Variants in CEP170B observed in about 807,000 individuals in gnomAD.
CEP170B encodes the protein centrosomal protein 170B, also known as centrosomal protein of 170 kDa protein B.
CEP170B carries 55 observed loss-of-function variants against 120.6 expected under a neutral mutation model. The ratio of observed to expected loss-of-function variants is 0.46; its 90% CI spans 0.37 to 0.57. The LOEUF (loss-of-function observed/expected upper bound fraction) is 0.57, where lower values mean the gene tolerates loss of function less well. Among genes scored for constraint, CEP170B ranks in the 20% least tolerant of loss-of-function variants. The pLI is 0.00. For synonymous variants in CEP170B, 1,033 were observed against 954.5 expected (o/e 1.08, Z -1.52); for missense variants, 2,212 against 2,253.3 (o/e 0.98, Z 0.37).
chr14:104,887,023 C>T lies in CEP170B; in HGVS notation c.2784C>T (p.Leu928=), dbSNP rs757634401. The change falls in exon 12 of 19, where the codon CTC becomes CTT. Residue 928 remains leucine (L), a synonymous_variant. Transcript: ENST00000414716. The part of the protein sequence containing the change: ...ETALAALEAR[L]LSNSVDAECE... Reference sequence around the variant, plus strand: ...CCCTGGCGGCCCTGGAGGCCCGACTCCTCTCTAATTCTGTGGATGCCGAGT... The same window carrying T: ...CCCTGGCGGCCCTGGAGGCCCGACTTCTCTCTAATTCTGTGGATGCCGAGT... The T allele has an allele frequency of 1.9e-6, 3 of 1,610,852 alleles. No individual in the cohort carries two copies. The highest frequency in any genetic ancestry group is 2.7e-5 in the African/African-American group (2 of 74,938).
Position 104,886,901 on chromosome 14 carries a change from A to G in CEP170B, c.2662A>G (p.Ser888Gly), listed in dbSNP as rs751517309. 1 of 1,610,268 alleles carries G rather than the reference A, an allele frequency of 6.2e-7. No individual in the cohort carries two copies. Among genetic ancestry groups the G allele is most frequent in the Non-Finnish European group, 8.5e-7 (1 of 1,179,758 alleles). The change falls in exon 12 of 19, where the codon AGC (serine) becomes GGC (glycine). Residue 888 changes from serine (S) to glycine (G), a missense_variant. Coordinates refer to ENST00000414716, the MANE Select transcript of CEP170B (RefSeq NM_001112726.3). ...GCCCGGCAAGCCCCCCCACATCTCC[A>G]GCCACCCGCTTCTACAGGACCTGGC... Reference protein sequence around the residue: ...PAPGKPPHISSHPLLQDLAAT... With the variant: ...PAPGKPPHISGHPLLQDLAAT...
Position 104,894,982 on chromosome 14 carries a change from C to T in CEP170B, c.*24C>T, listed in dbSNP as rs993519994. ...AGGCCCCAGACCTGGCCAGGCCAGC[C>T]TCCCTGTGCGTGTGCGTCTCTGCCT... On this transcript the variant is annotated 3_prime_UTR_variant, in exon 19 of 19. Transcript: ENST00000414716. The T allele has an allele frequency of 1.3e-6, 2 of 1,528,642 alleles. No homozygotes were observed. The highest frequency in any genetic ancestry group is 2.5e-5 in the South Asian group (2 of 80,606). The allele number at this position is 1,528,642 out of a possible 1,614,324, so 94.7% of individuals were successfully genotyped here. A position where few individuals can be genotyped will look rare whatever the true frequency, so the allele number is the denominator to read the frequency against.
Position 104,884,350 on chromosome 14 carries a change from C to T in CEP170B, c.1571C>T (p.Pro524Leu), listed in dbSNP as rs900137573. ...CGGCCCAGCCCCGAGAAGGTTCCTCCGGTGCTGCCCGCTCCCCTGACACCC... is the reference window on the plus strand; with the variant it reads ...CGGCCCAGCCCCGAGAAGGTTCCTCTGGTGCTGCCCGCTCCCCTGACACCC... ...AARPSPEKVP[P>L]VLPAPLTPHG... Residue 524 changes from proline to leucine, a missense_variant, in exon 9 of 19, where the codon CCG (proline) becomes CTG (leucine). By Grantham distance (98) the Pro-to-Leu change is moderately conservative. This residue lies in a region of CEP170B where 2,166 missense variants were observed against 2,166.7 expected (regional missense o/e 1.00). Transcript: ENST00000414716. 3.0e-5 allele frequency: 47 copies of T among 1,544,692 alleles called. No homozygotes were observed. Among genetic ancestry groups the T allele is most frequent in the Non-Finnish European group, 3.8e-5 (44 of 1,145,334 alleles).
In CEP170B at chr14:104,886,278, A is replaced by G. The variant is rs1204670146; in HGVS notation, c.2039A>G (p.Asp680Gly). 3 of 1,531,692 alleles carry G rather than the reference A, an allele frequency of 2.0e-6. No individual in the cohort carries two copies. The highest frequency in any genetic ancestry group is 2.6e-6 in the Non-Finnish European group (3 of 1,145,022). 94.9% of individuals were successfully genotyped at this position (1,531,692 alleles called of 1,614,324 possible). ...DSYSDPGLTEDGLGRRGGEPE... is the reference protein window; with the variant it reads ...DSYSDPGLTEGGLGRRGGEPE... ...CGGCTGCCTTTGTGCTCCACAGAGG[A>G]TGGCCTGGGACGTAGAGGCGGGGAG... The change falls in exon 12 of 19, where the codon GAT (aspartate) becomes GGT (glycine). Residue 680 changes from aspartate to glycine, a missense_variant. By Grantham distance (94) the Asp-to-Gly change is moderately conservative. Around this residue, in one of 2 missense-constraint regions of CEP170B, gnomAD observed 2,166 missense variants for 2,166.7 expected, o/e 1.00. Transcript: ENST00000414716.
rs1245392648 is a variant in CEP170B at position 104,886,815 on chromosome 14, C to G, written c.2576C>G (p.Pro859Arg). 1.2e-6 allele frequency: 2 copies of G among 1,611,230 alleles called. No individual in the cohort carries two copies. Among genetic ancestry groups the G allele is most frequent in the East Asian group, 2.2e-5 (1 of 44,886 alleles). The change falls in exon 12 of 19, where the codon CCT (proline) becomes CGT (arginine). Residue 859 changes from proline to arginine, a missense_variant. Coordinates refer to ENST00000414716, the MANE Select transcript of CEP170B (RefSeq NM_001112726.3). The stretch of plus-strand genomic sequence containing the variant: ...GGACGGTCCCCAGAACCCGACGGCC[C>G]TGCCCCAGCCTTTCTCCGGCAAGAG... ...RPGRSPEPDGPAPAFLRQESF... is the reference protein window; with the variant it reads ...RPGRSPEPDGRAPAFLRQESF...
rs200257503 is a variant in CEP170B, at chr14:104,887,105, G to C, written c.2866G>C (p.Val956Leu). The C allele has an allele frequency of 1.9e-6, 3 of 1,611,174 alleles. No individual in the cohort carries two copies. Among genetic ancestry groups the C allele is most frequent in the Non-Finnish European group, 2.5e-6 (3 of 1,179,670 alleles). ...PEDALSGDSD[V>L]DTASTVSLRS... ...GGACGCCCTGTCTGGGGACTCGGAC[G>C]TGGACACAGCCAGCACCGTCAGCCT... Residue 956 changes from valine to leucine, a missense_variant, in exon 12 of 19, where the codon GTG (valine) becomes CTG (leucine). By Grantham distance (32) the Val-to-Leu change is conservative. Transcript: ENST00000414716.
At chr14:104,881,714 A>G (rs2582557) in intron 6 of CEP170B, among the ~76,000 whole-genome samples, 95,261 of 151,988 alleles carry the variant, frequency 0.63, 30,509 homozygotes, top group Middle Eastern at 0.78. Flanking sequence ...ACCAAGGAGG[A>G]GTTCAGGGCC....
chr14:104,867,824 G>A lies in CEP170B; in HGVS notation c.-27-600G>A, dbSNP rs111631737. 7.4e-3 allele frequency among the ~76,000 whole-genome samples: 1,119 copies of A among 152,154 alleles called. 14 individuals are homozygous for A. Among genetic ancestry groups the A allele is most frequent in the African/African-American group, 0.025 (1,030 of 41,478 alleles). On this transcript the variant is annotated intron_variant, in intron 1 of 18. Coordinates refer to ENST00000414716, the MANE Select transcript of CEP170B (RefSeq NM_001112726.3). This position sits in a 1 kb window ranked among gnomAD's most constrained non-coding sequence, Gnocchi z 5.4. ...CTGTCCTTGCACCATGCCCACCAAA[G>A]GACATTTGGCCTCCTCTCGGTGGTG...
rs965771434 is a variant in CEP170B at position 104,870,203 on chromosome 14, C to T, written c.105+1648C>T. On this transcript the variant is annotated intron_variant, in intron 2 of 18. Coordinates refer to ENST00000414716, the MANE Select transcript of CEP170B (RefSeq NM_001112726.3). This position sits in a 1 kb window ranked among gnomAD's most constrained non-coding sequence, Gnocchi z 4.1. Reference sequence around the variant, plus strand: ...TGGTGAGGGGCAGCCAGGGAGCGAGCGTGGGCGACCGAGGTGGGCGCGGCA... The same window carrying T: ...TGGTGAGGGGCAGCCAGGGAGCGAGTGTGGGCGACCGAGGTGGGCGCGGCA... Among the ~76,000 whole-genome samples the T allele has an allele frequency of 3.9e-5, 6 of 152,188 alleles. No individual in the cohort carries two copies. The highest frequency in any genetic ancestry group is 1.2e-4 in the African/African-American group (5 of 41,440).
intron 13 of CEP170B, among the ~76,000 whole-genome samples, chr14:104,892,739 C>G (rs1281748964): frequency 6.6e-6 from 1 of 152,254 alleles, no homozygotes; most frequent in African/African-American, 2.4e-5. Context: ...TCCGTCCCAG[C>G]CCCCCACCAT....
chr14:104,892,920 C>T, intron 13 of CEP170B, 56 bp from the exon 14 acceptor site: 4 of 1,538,384 alleles, frequency 2.6e-6, no homozygotes, highest in Non-Finnish European at 3.5e-6. Flanking sequence ...CCTGTCTGGC[C>T]CCTGCTGCCC....
rs143066234 is a variant in CEP170B at position 104,870,210 on chromosome 14, G to A, written c.105+1655G>A. Among the ~76,000 whole-genome samples, 1,126 of 152,200 alleles carry A rather than the reference G, an allele frequency of 7.4e-3. 15 individuals are homozygous for A. The highest frequency in any genetic ancestry group is 0.025 in the African/African-American group (1,025 of 41,464). ...GGGCAGCCAGGGAGCGAGCGTGGGC[G>A]ACCGAGGTGGGCGCGGCAGCACCTG... On this transcript the variant is annotated intron_variant, in intron 2 of 18. Transcript: ENST00000414716. This position sits in a 1 kb window ranked among gnomAD's most constrained non-coding sequence, Gnocchi z 4.1.
At chr14:104,877,725 T>G (rs1895929732) in intron 3 of CEP170B, among the ~76,000 whole-genome samples, 160 bp from the exon 4 acceptor site, 1 of 151,872 alleles carries the variant, frequency 6.6e-6, no homozygotes, top group Non-Finnish European at 1.5e-5. Context: ...CCTGGGACAG[T>G]GCTGCACAGG....
Position 104,884,612 on chromosome 14 carries a change from G to C in CEP170B, c.1770+63G>C, listed in dbSNP as rs560204137. 107 of 1,466,150 alleles carry C rather than the reference G, an allele frequency of 7.3e-5. No individual in the cohort carries two copies. In the African/African-American group the frequency reaches 1.6e-3, roughly 21 times the overall value. The allele number at this position is 1,466,150 out of a possible 1,614,324, so 90.8% of individuals were successfully genotyped here. A position where few individuals can be genotyped will look rare whatever the true frequency, so the allele number is the denominator to read the frequency against. ...CGGGGGGGTGGAGGCGATGCCGGGG[G>C]TGGCGAGTGAGAGCCCTCGTGGGGA... On this transcript the variant is annotated intron_variant, in intron 9 of 18. Transcript: ENST00000414716.
Position 104,868,589 on chromosome 14 carries a change from G to T in CEP170B, c.105+34G>T. The T allele has an allele frequency of 6.5e-7, 1 of 1,534,656 alleles. No individual in the cohort carries two copies. Among genetic ancestry groups the T allele is most frequent in the African/African-American group, 1.4e-5 (1 of 72,908 alleles). ...GGAGCGCTTGGGGCCAGGAGGGTAG[G>T]GGGTAGACAGTCTGTCCCTGTGGAG... On this transcript the variant is annotated intron_variant, in intron 2 of 18. Transcript: ENST00000414716. This position sits in a 1 kb window ranked among gnomAD's most constrained non-coding sequence, Gnocchi z 5.9.
At chr14:104,885,063 G>A (rs1294126052) in intron 9 of CEP170B, among the ~76,000 whole-genome samples, 1 of 149,016 alleles carries the variant, frequency 6.7e-6, no homozygotes, top group Non-Finnish European at 1.5e-5. Flanking sequence ...GGGTGGAGGC[G>A]ATGCCGGGGG....
chr14:104,896,275 C>G lies in CEP170B; in HGVS notation c.*1317C>G. On this transcript the variant is annotated 3_prime_UTR_variant, in exon 19 of 19. Transcript: ENST00000414716. ...TTTAGCTGAGCTGGGGTTGGGTGTA[C>G]GGGTTCTGTTCCTCTGAGCCTGCGG... The G allele has an allele frequency of 4.4e-6, 1 of 228,542 alleles. No individual in the cohort carries two copies. The highest frequency in any genetic ancestry group is 6.5e-5 in the Admixed American group (1 of 15,394). 14.2% of individuals were successfully genotyped at this position (228,542 alleles called of 1,614,324 possible). A position where few individuals can be genotyped will look rare whatever the true frequency, so the allele number is the denominator to read the frequency against.
At position 104,889,398 on chromosome 14, in the gene CEP170B, C is replaced by T. The variant is rs548257390; in HGVS notation, c.3740-222C>T. 499 of 1,194,192 alleles carry T rather than the reference C, an allele frequency of 4.2e-4. 3 individuals carry two copies. The African/African-American group carries it at 6.7e-3, about 16-fold the overall frequency. The allele number at this position is 1,194,192 out of a possible 1,614,324, so 74.0% of individuals were successfully genotyped here. Reference sequence around the variant, plus strand: ...GGCTACTGGGTGGGGGCACCAGCCTCGACGCTGCCCAGCCCTGCAGCACTG... The same window carrying T: ...GGCTACTGGGTGGGGGCACCAGCCTTGACGCTGCCCAGCCCTGCAGCACTG... On this transcript the variant is annotated intron_variant, in intron 12 of 18. Coordinates refer to ENST00000414716, the MANE Select transcript of CEP170B (RefSeq NM_001112726.3).
chr14:104,872,703 G>A (rs999281519), intron 2 of CEP170B, among the ~76,000 whole-genome samples: 1 of 152,102 alleles, frequency 6.6e-6, no homozygotes, highest in African/African-American at 2.4e-5. Flanking sequence ...GCATCGAGCC[G>A]GTCTGCTGCG....
Sources: allele counts gnomAD v4.1 joint callset (sites outside exome capture counted in the v4.1 genomes callset), GRCh38; gene constraint gnomAD v4.1.1; regional missense constraint gnomAD v4.1.1; non-coding constraint Gnocchi (gnomAD v3.1); transcripts MANE v1.5; gene names NCBI Gene and HGNC (gene_info 2026-07-23, HGNC 2026-07-21).